Variants in CTNND2 observed in about 807,000 individuals in gnomAD.
CTNND2 encodes catenin delta-2.
A neutral mutation model predicts 144.4 loss-of-function variants in CTNND2; 22 were observed. That is an observed-to-expected ratio of 0.15 (90% CI 0.11 to 0.22). CTNND2 has a LOEUF of 0.22. CTNND2 is among the 10% of genes least tolerant of loss of function. The pLI is 1.00. For missense variants in CTNND2, 1,353 were observed against 1,618.8 expected, an observed-to-expected ratio of 0.84 and a Z score of 2.82; for synonymous variants, 751 against 695.6, an observed-to-expected ratio of 1.08 and a Z score of -1.25.
rs1358872901 is a variant in CTNND2, at chr5:11,602,281, G to C, written c.175-37225C>G. On this transcript the variant is annotated intron_variant, in intron 2 of 21. Transcript: ENST00000304623. ...GGAAATTACAGATAGAAATCTATTA[G>C]AGTTTTACACCGCTGGTACCAAGAA... Among the ~76,000 whole-genome samples the C allele has an allele frequency of 3.3e-5, 5 of 152,086 alleles. No homozygotes were observed. The East Asian group carries it at 7.7e-4, about 23-fold the overall frequency.
At chr5:11,741,729 TTG>T (rs1056115678) in intron 1 of CTNND2, among the ~76,000 whole-genome samples, 32 of 148,686 alleles carry the variant, frequency 2.2e-4, no homozygotes, top group African/African-American at 7.6e-4. Context: ...AAAAAATAAA[TTG>T]TCTTATATAT....
At chr5:11,413,793 C>A (rs1202796676) in intron 3 of CTNND2, among the ~76,000 whole-genome samples, 1 of 152,104 alleles carries the variant, frequency 6.6e-6, no homozygotes, top group South Asian at 2.1e-4. Context: ...CTTCATTCTT[C>A]TATATTTTAA....
intron 10 of CTNND2, among the ~76,000 whole-genome samples, chr5:11,209,100 G>T (rs984426847): frequency 6.6e-6 from 1 of 152,094 alleles, no homozygotes; most frequent in African/African-American, 2.4e-5. Flanking sequence ...TGAATGAAAA[G>T]AGTGGATATT....
At chr5:11,834,366 GATAAC>G (rs1794062026) in intron 1 of CTNND2, among the ~76,000 whole-genome samples, 1 of 151,994 alleles carries the variant, frequency 6.6e-6, no homozygotes, top group Non-Finnish European at 1.5e-5. Flanking sequence ...TTCTTCCCTA[GATAAC>G]ATAACATGCC....
chr5:11,550,825 T>C (rs1347909447), intron 3 of CTNND2, among the ~76,000 whole-genome samples: 3 of 152,198 alleles, frequency 2.0e-5, no homozygotes, highest in African/African-American at 4.8e-5. Flanking sequence ...AAATGGAGAA[T>C]GGTTGTGGTA....
At chr5:11,586,851 T>C (rs576530607) in intron 2 of CTNND2, among the ~76,000 whole-genome samples, 10 of 152,300 alleles carry the variant, frequency 6.6e-5, no homozygotes, top group Admixed American at 1.3e-4. Flanking sequence ...TTTTTTATTA[T>C]GTTTGACTCT....
intron 9 of CTNND2, among the ~76,000 whole-genome samples, chr5:11,283,703 A>G (rs865776169): frequency 2.7e-5 from 4 of 149,526 alleles, no homozygotes; most frequent in Admixed American, 6.7e-5. Context: ...AAAAAAAAAA[A>G]AAAGAGAGAG....
intron 11 of CTNND2, among the ~76,000 whole-genome samples, chr5:11,184,221 C>A (rs937911802): frequency 6.6e-6 from 1 of 152,124 alleles, no homozygotes. Context: ...TAAAAAGAAT[C>A]ATTTGACATA....
intron 1 of CTNND2, among the ~76,000 whole-genome samples, chr5:11,738,285 T>C (rs1787806554): frequency 6.6e-6 from 1 of 152,184 alleles, no homozygotes; most frequent in Admixed American, 6.5e-5. Flanking sequence ...ACCACTTTCA[T>C]AAATGATGCA....
chr5:11,781,473 C>T (rs1295390879), intron 1 of CTNND2, among the ~76,000 whole-genome samples: 2 of 152,150 alleles, frequency 1.3e-5, no homozygotes, highest in Admixed American at 6.5e-5. Flanking sequence ...TCCTTTCCCC[C>T]AGGAGTCTGA....
intron 9 of CTNND2, among the ~76,000 whole-genome samples, chr5:11,244,979 T>C (rs1052011347): frequency 1.3e-5 from 2 of 152,176 alleles, no homozygotes; most frequent in Non-Finnish European, 2.9e-5. Context: ...AAATTATATA[T>C]GAGATAAGAT....
intron 3 of CTNND2, among the ~76,000 whole-genome samples, chr5:11,563,666 T>C (rs1294882867): frequency 6.6e-6 from 1 of 151,988 alleles, no homozygotes; most frequent in Admixed American, 6.6e-5. Flanking sequence ...CTAAATAAGG[T>C]TTTATAATGG....
chr5:11,623,832 ATATATATATATATATATATATG>A (rs1781005417), intron 2 of CTNND2, among the ~76,000 whole-genome samples: 1 of 123,484 alleles, frequency 8.1e-6, no homozygotes, highest in East Asian at 2.3e-4. Context: ...ATATATATAT[ATATATATATATATATATATATG>A]CACCAAAAAA....
chr5:11,446,083 T>C (rs1319267447), intron 3 of CTNND2, among the ~76,000 whole-genome samples: 4 of 152,214 alleles, frequency 2.6e-5, no homozygotes, highest in African/African-American at 9.6e-5. Context: ...GAGATTCTCA[T>C]GCTTCAGCCC....
At chr5:11,636,029 C>CCCGCCA (rs1781680820) in intron 2 of CTNND2, among the ~76,000 whole-genome samples, 3 of 118,994 alleles carry the variant, frequency 2.5e-5, no homozygotes, top group Admixed American at 8.3e-5. Context: ...GTTTAATCCC[C>CCCGCCA]CCCCACCCCC....
rs1297168621 is a variant in CTNND2, at chr5:11,384,953, C to A, written c.889G>T (p.Gly297Cys). 2 of 1,572,794 alleles carry A rather than the reference C, an allele frequency of 1.3e-6. No individual in the cohort carries two copies. The highest frequency in any genetic ancestry group is 2.2e-4 in the Middle Eastern group (1 of 4,612). ...PEGATYAAPR[G>C]SSPKQSPSRL... ...CTGGGCGACTGCTTGGGCGAGGAGC[C>A]GCGCGGCGCGGCGTAGGTGGCGCCC... is the stretch of plus-strand genomic sequence containing the variant. The change falls in exon 7 of 22, where the codon GGC (glycine) becomes TGC (cysteine). Residue 297 changes from glycine (G) to cysteine (C), a missense_variant. Coordinates refer to ENST00000304623, the MANE Select transcript of CTNND2 (RefSeq NM_001332.4). This position sits in a 1 kb window ranked among gnomAD's most constrained non-coding sequence, Gnocchi z 5.2.
At chr5:11,606,225 C>T (rs1278888385) in intron 2 of CTNND2, among the ~76,000 whole-genome samples, 2 of 152,258 alleles carry the variant, frequency 1.3e-5, no homozygotes, top group East Asian at 3.9e-4. Flanking sequence ...TGGCCAAGAA[C>T]CTAGATGCAG....
chr5:11,195,757 A>G (rs1453229664), intron 11 of CTNND2, among the ~76,000 whole-genome samples: 1 of 152,212 alleles, frequency 6.6e-6, no homozygotes, highest in African/African-American at 2.4e-5. Context: ...CATACTCAAA[A>G]TTTTGGTCAA....
intron 10 of CTNND2, among the ~76,000 whole-genome samples, chr5:11,236,305 T>C (rs1402361831): frequency 6.6e-6 from 1 of 152,238 alleles, no homozygotes; most frequent in South Asian, 2.1e-4. Flanking sequence ...ATACTGACTA[T>C]AACAATTTTA....
Sources: allele counts gnomAD v4.1 joint callset (sites outside exome capture counted in the v4.1 genomes callset), GRCh38; gene constraint gnomAD v4.1.1; non-coding constraint Gnocchi (gnomAD v3.1); transcripts MANE v1.5; gene names NCBI Gene and HGNC (gene_info 2026-07-23, HGNC 2026-07-21).